Variants in PDE1C observed in about 807,000 individuals in gnomAD.
The protein encoded by PDE1C is dual specificity calcium/calmodulin-dependent 3',5'-cyclic nucleotide phosphodiesterase 1C.
A neutral mutation model predicts 93.1 loss-of-function variants in PDE1C; 62 were observed. The observed-to-expected ratio is 0.67, with a 90% CI of 0.54 to 0.82. The LOEUF is 0.82. PDE1C is among the 40% of genes least tolerant of loss of function. The pLI, the probability that PDE1C is intolerant of heterozygous loss-of-function variation, is 0.00. For missense variants in PDE1C, 742 were observed against 884.6 expected, an observed-to-expected ratio of 0.84 and a Z score of 2.04; for synonymous variants, 325 against 310.1, an observed-to-expected ratio of 1.05 and a Z score of -0.50.
the PDE1C span, among the ~76,000 whole-genome samples, chr7:31,673,804 A>G: frequency 6.6e-6 from 1 of 152,094 alleles, no homozygotes; most frequent in African/African-American, 2.4e-5. Context: ...TTTTCCAGTA[A>G]GAGTTTTGAT....
At chr7:32,258,878 C>G (rs1049363632) in intron 1 of PDE1C, among the ~76,000 whole-genome samples, 2 of 152,160 alleles carry the variant, frequency 1.3e-5, no homozygotes, top group Non-Finnish European at 2.9e-5. Flanking sequence ...GTCACTCACC[C>G]TCCTGGAGCC....
At chr7:32,335,179 G>A (rs946752044) in intron 1 of PDE1C, among the ~76,000 whole-genome samples, 1 of 152,104 alleles carries the variant, frequency 6.6e-6, no homozygotes, top group Non-Finnish European at 1.5e-5. Flanking sequence ...CTAAAAAATT[G>A]ACCTGTCCAA....
At chr7:31,856,996 T>C (rs958745072) in intron 7 of PDE1C, among the ~76,000 whole-genome samples, 10 of 152,142 alleles carry the variant, frequency 6.6e-5, no homozygotes, top group Admixed American at 2.0e-4. Context: ...CAAGTGCATG[T>C]CTGTGTTCTA....
At chr7:31,785,996 A>C (rs906741367) in intron 16 of PDE1C, 2 of 152,144 alleles carry the variant, frequency 1.3e-5, no homozygotes, top group African/African-American at 4.8e-5. Context: ...ATTACTTTCC[A>C]TTTGTTCATG....
chr7:32,394,098 G>A (rs1354413630), intron 1 of PDE1C, among the ~76,000 whole-genome samples: 10 of 152,150 alleles, frequency 6.6e-5, no homozygotes, highest in Non-Finnish European at 1.5e-4. Context: ...TGAGAAATAG[G>A]CACACATAAA....
chr7:31,905,769 G>A (rs1285973172), intron 2 of PDE1C, among the ~76,000 whole-genome samples: 1 of 152,120 alleles, frequency 6.6e-6, no homozygotes, highest in Non-Finnish European at 1.5e-5. Context: ...ATCTTGAATT[G>A]TAGTTCCCAT....
chr7:31,681,007 C>A, the PDE1C span, among the ~76,000 whole-genome samples: 1 of 152,184 alleles, frequency 6.6e-6, no homozygotes, highest in Non-Finnish European at 1.5e-5. Context: ...AAGTAGGGAC[C>A]AGCCTAGCCA....
chr7:31,715,594 T>A, the PDE1C span, among the ~76,000 whole-genome samples: 26 of 152,226 alleles, frequency 1.7e-4, no homozygotes, highest in Non-Finnish European at 3.1e-4. Flanking sequence ...CCTCTCTGTA[T>A]TTTGAGTCTG....
chr7:31,871,259 A>G (rs893209453), intron 6 of PDE1C, among the ~76,000 whole-genome samples: 1 of 152,014 alleles, frequency 6.6e-6, no homozygotes, highest in East Asian at 1.9e-4. Flanking sequence ...CATAATACTC[A>G]AAACTATAAA....
At chr7:31,918,813 T>C (rs893704763) in intron 2 of PDE1C, among the ~76,000 whole-genome samples, 2 of 152,182 alleles carry the variant, frequency 1.3e-5, no homozygotes, top group East Asian at 3.9e-4. Context: ...GGAAAATCCA[T>C]GTATTTAATC....
chr7:31,722,502 T>G, the PDE1C span, among the ~76,000 whole-genome samples: 2 of 152,296 alleles, frequency 1.3e-5, no homozygotes, highest in Admixed American at 1.3e-4. Flanking sequence ...CATTCAATTA[T>G]GTATTCATAC....
At chr7:31,618,216 G>T in the PDE1C span, among the ~76,000 whole-genome samples, 1 of 152,148 alleles carries the variant, frequency 6.6e-6, no homozygotes, top group African/African-American at 2.4e-5. Context: ...CTTCATGTAT[G>T]TCTGTCTTCC....
chr7:31,897,377 C>T (rs1482191082), intron 2 of PDE1C, among the ~76,000 whole-genome samples: 1 of 152,204 alleles, frequency 6.6e-6, no homozygotes, highest in Non-Finnish European at 1.5e-5. Context: ...TAAGATTATA[C>T]ATTCGTGGAC....
chr7:31,643,189 G>A, the PDE1C span: 6 of 1,613,940 alleles, frequency 3.7e-6, no homozygotes, highest in Non-Finnish European at 5.1e-6. Context: ...TCATACTCAA[G>A]ACAAGTTCCT....
chr7:31,769,448 A>T (rs1028274987), intron 17 of PDE1C, among the ~76,000 whole-genome samples: 3 of 152,208 alleles, frequency 2.0e-5, no homozygotes, highest in Non-Finnish European at 4.4e-5. Context: ...TGTACTTTCC[A>T]TCTAAGAATT....
chr7:32,397,357 A>T (rs1469940930), intron 1 of PDE1C, among the ~76,000 whole-genome samples: 2 of 152,166 alleles, frequency 1.3e-5, no homozygotes, highest in Non-Finnish European at 2.9e-5. Context: ...TTTGATGCAA[A>T]CTATAACTAC....
the PDE1C span, among the ~76,000 whole-genome samples, chr7:31,662,043 C>G: frequency 2.6e-5 from 4 of 152,158 alleles, no homozygotes; most frequent in Admixed American, 1.3e-4. Flanking sequence ...CTCTATGTGA[C>G]CTATGCTACC....
chr7:32,284,732 T>C (rs77151297), intron 1 of PDE1C, among the ~76,000 whole-genome samples: 6,687 of 152,168 alleles, frequency 0.044, 535 homozygotes, highest in African/African-American at 0.15. Context: ...TAGAGACCTT[T>C]CTAAAAATGC....
At chr7:32,116,539 T>C (rs1340404590) in intron 3 of PDE1C, among the ~76,000 whole-genome samples, 1 of 152,122 alleles carries the variant, frequency 6.6e-6, no homozygotes, top group Non-Finnish European at 1.5e-5. Context: ...TCATAATAGG[T>C]GCATACATAT....
Sources: allele counts gnomAD v4.1 joint callset (sites outside exome capture counted in the v4.1 genomes callset), GRCh38; gene constraint gnomAD v4.1.1; transcripts MANE v1.5; gene names NCBI Gene and HGNC (gene_info 2026-07-23, HGNC 2026-07-21).